Variants in ATP13A3 observed in about 807,000 individuals in gnomAD.
ATP13A3 encodes polyamine-transporting ATPase 13A3.
In ATP13A3, 59 loss-of-function variants were observed where a neutral mutation model predicts 158.1. That is an observed-to-expected ratio of 0.37 (90% confidence interval 0.30 to 0.46). The LOEUF (loss-of-function observed/expected upper bound fraction) is 0.46, where lower values mean the gene tolerates loss of function less well. ATP13A3 is among the 20% of genes least tolerant of loss of function. The probability of loss-of-function intolerance (pLI) is 1.00; values close to 1 mark genes in which losing one functional copy is unlikely to be tolerated. For synonymous variants in ATP13A3, 491 were observed against 504.3 expected (o/e 0.97, Z 0.35); for missense variants, 1,166 against 1,525.2 (o/e 0.76, Z 3.92).
Position 194,425,389 on chromosome 3 carries a change from A to G in ATP13A3, c.3266T>C (p.Ile1089Thr), listed in dbSNP as rs1356472734. The change falls in exon 30 of 34, where the codon ATT (isoleucine) becomes ACT (threonine). Residue 1089 changes from isoleucine to threonine, a missense_variant. Transcript: ENST00000645319. ...ISSFQYLIVA[I>T]AFSKGKPFRQ... ...GAAGGGTTTTCCTTTTGAAAAGGCA[A>G]TTGCCACTATGAGGTACTGAAAACT... is the stretch of plus-strand genomic sequence containing the variant. The G allele has an allele frequency of 1.9e-6, 3 of 1,612,640 alleles. No homozygotes were observed. Among genetic ancestry groups the G allele is most frequent in the Non-Finnish European group, 2.5e-6 (3 of 1,179,624 alleles).
At chr3:194,452,697 CCTT>C (rs1718893696) in intron 10 of ATP13A3, 1 of 152,126 alleles carries the variant, frequency 6.6e-6, no homozygotes, top group African/African-American at 2.4e-5. Context: ...CCTCTTCTCT[CCTT>C]CTCTCAGCCT....
rs1714792432 is a variant in ATP13A3 at position 194,404,252 on chromosome 3, ATT to A, written c.*1665_*1666del. On this transcript the variant is annotated 3_prime_UTR_variant, in exon 34 of 34. Coordinates refer to ENST00000645319, the MANE Select transcript of ATP13A3 (RefSeq NM_001367549.1). ...AATGTGTATTAATAGCATATTATAC[ATT>A]TGATGGAAAACTTCGATTATATTTT... 1 of 348,554 alleles carries A rather than the reference ATT, an allele frequency of 2.9e-6. No homozygotes were observed. Among genetic ancestry groups the A allele is most frequent in the Admixed American group, 4.6e-5 (1 of 21,652 alleles). 21.6% of individuals were successfully genotyped at this position (348,554 alleles called of 1,614,324 possible). A position where few individuals can be genotyped will look rare whatever the true frequency, so the allele number is the denominator to read the frequency against.
intron 31 of ATP13A3, among the ~76,000 whole-genome samples, chr3:194,417,993 G>A (rs867957496): frequency 3.1e-4 from 39 of 124,138 alleles, no homozygotes; most frequent in African/African-American, 1.2e-3. Context: ...GGAAGGGAGG[G>A]AGGGAGGGAG....
At chr3:194,414,183 C>T (rs1353591751) in intron 31 of ATP13A3, among the ~76,000 whole-genome samples, 2 of 152,062 alleles carry the variant, frequency 1.3e-5, no homozygotes, top group Non-Finnish European at 1.5e-5. Context: ...GAGGTACCAG[C>T]CAGGCACAGT....
intron 11 of ATP13A3, among the ~76,000 whole-genome samples, chr3:194,449,049 AC>A (rs1718608288): frequency 2.2e-5 from 1 of 45,390 alleles, no homozygotes; most frequent in African/African-American, 1.5e-4. Context: ...ACCCCTACAC[AC>A]ACACACACAC....
chr3:194,437,691 T>G, intron 17 of ATP13A3, 118 bp from the exon 18 acceptor site: 2 of 1,070,882 alleles, frequency 1.9e-6, no homozygotes, highest in Non-Finnish European at 2.7e-6. Flanking sequence ...CAAGCAACTG[T>G]TTTTCAAAGT....
chr3:194,455,594 AG>A (rs2108942968), intron 8 of ATP13A3, among the ~76,000 whole-genome samples: 1 of 152,316 alleles, frequency 6.6e-6, no homozygotes, highest in African/African-American at 2.4e-5. Context: ...TACTCCTAAA[AG>A]TGTTCACCTA....
At chr3:194,477,911 T>C (rs1026675156) in intron 2 of ATP13A3, among the ~76,000 whole-genome samples, 1 of 152,208 alleles carries the variant, frequency 6.6e-6, no homozygotes, top group Non-Finnish European at 1.5e-5. Flanking sequence ...CTCTGTGTCT[T>C]TGTTTTAGTT....
intron 2 of ATP13A3, among the ~76,000 whole-genome samples, chr3:194,478,496 G>A (rs1362086440): frequency 6.6e-6 from 1 of 152,110 alleles, no homozygotes; most frequent in East Asian, 1.9e-4. Flanking sequence ...CAGGGGAACT[G>A]CCACATGCAG....
chr3:194,482,833 C>T (rs1560117970), intron 2 of ATP13A3, among the ~76,000 whole-genome samples: 3 of 151,916 alleles, frequency 2.0e-5, no homozygotes, highest in African/African-American at 4.8e-5. Context: ...AAAGGCCGGG[C>T]GTGGTGGCTC....
chr3:194,455,063 A>G (rs1384319045), intron 8 of ATP13A3, among the ~76,000 whole-genome samples: 1 of 152,230 alleles, frequency 6.6e-6, no homozygotes, highest in Non-Finnish European at 1.5e-5. Context: ...AGAATACAAA[A>G]CTTTTAACGA....
At position 194,430,193 on chromosome 3, in the gene ATP13A3, AAG is replaced by A; in HGVS notation, c.2668-14_2668-13del. The A allele has an allele frequency of 6.2e-7, 1 of 1,613,736 alleles. No individual in the cohort carries two copies. The highest frequency in any genetic ancestry group is 8.5e-7 in the Non-Finnish European group (1 of 1,179,820). Reference sequence around the variant, plus strand: ...GCCCTCTTCAAAGCCTAATAATTTTAAGAAAACTGGTTAAGTTTTGTGAATAT... The same window carrying A: ...GCCCTCTTCAAAGCCTAATAATTTTAAAAACTGGTTAAGTTTTGTGAATAT... On this transcript the variant is annotated splice_polypyrimidine_tract_variant and intron_variant, in intron 25 of 33. Coordinates refer to ENST00000645319, the MANE Select transcript of ATP13A3 (RefSeq NM_001367549.1).
chr3:194,429,850 G>T, intron 26 of ATP13A3, 76 bp from the exon 27 acceptor site: 1 of 1,310,268 alleles, frequency 7.6e-7, no homozygotes, highest in Non-Finnish European at 1.1e-6. Context: ...ATTTTATCTT[G>T]ACAGATGAAC....
intron 16 of ATP13A3, among the ~76,000 whole-genome samples, chr3:194,440,424 C>A (rs577930670): frequency 6.6e-6 from 1 of 152,252 alleles, no homozygotes; most frequent in East Asian, 1.9e-4. Context: ...AGGAAAGCAA[C>A]GGAGAGGCTA....
chr3:194,452,523 T>G (rs1718883616), intron 10 of ATP13A3: 1 of 152,176 alleles, frequency 6.6e-6, no homozygotes, highest in South Asian at 2.1e-4. Flanking sequence ...AATAATAGCC[T>G]TCAATGGCTT....
intron 26 of ATP13A3, 71 bp from the exon 27 acceptor site, chr3:194,429,845 A>G: frequency 7.5e-7 from 1 of 1,333,158 alleles, no homozygotes; most frequent in South Asian, 1.3e-5. Flanking sequence ...CCACAATTTT[A>G]TCTTGACAGA....
chr3:194,425,961 C>T (rs377074980), intron 29 of ATP13A3, among the ~76,000 whole-genome samples: 1 of 152,294 alleles, frequency 6.6e-6, no homozygotes, highest in African/African-American at 2.4e-5. Flanking sequence ...AAATGCCTAG[C>T]GAGTCCCCGG....
upstream of ATP13A3, among the ~76,000 whole-genome samples, chr3:194,491,605 A>C (rs1577102883): frequency 2.2e-5 from 1 of 45,616 alleles, no homozygotes; most frequent in African/African-American, 1.0e-4. Flanking sequence ...TGTCCCCTCC[A>C]TCTCTCACCT....
Position 194,430,120 on chromosome 3 carries a change from G to A in ATP13A3, c.2729C>T (p.Pro910Leu). 1 of 1,614,074 alleles carries A rather than the reference G, an allele frequency of 6.2e-7. No homozygotes were observed. The highest frequency in any genetic ancestry group is 8.5e-7 in the Non-Finnish European group (1 of 1,180,006). ...LSELEASVAS[P>L]FTSKTPSISC... ...AATACTAGGAGTCTTAGAGGTAAAG[G>A]GAGATGCCACTGAAGCTTCGAGCTC... The change falls in exon 26 of 34, where the codon CCC (proline) becomes CTC (leucine). Residue 910 changes from proline to leucine, a missense_variant. Around this residue, in one of 3 missense-constraint regions of ATP13A3, gnomAD observed 997 missense variants for 1,341.2 expected, o/e 0.74. Coordinates refer to ENST00000645319, the MANE Select transcript of ATP13A3 (RefSeq NM_001367549.1).
Sources: gnomAD v4.1 joint callset for allele counts (sites outside exome capture counted in the v4.1 genomes callset) on GRCh38, gnomAD v4.1.1 for gene constraint, gnomAD v4.1.1 regional missense constraint, MANE v1.5 for transcripts, NCBI Gene and HGNC (gene_info 2026-07-23, HGNC 2026-07-21) for gene names.